Variants in ZNF605 observed in about 807,000 individuals in gnomAD.
ZNF605 encodes the protein zinc finger protein 605.
ZNF605 carries 9 observed loss-of-function variants against 7.9 expected under a neutral mutation model. That is an observed-to-expected ratio of 1.14 (90% CI 0.68 to 1.98). The LOEUF is 1.98. Ranked by LOEUF, ZNF605 falls within the 30% of genes most tolerant of loss-of-function variation. ZNF605 has a pLI of 0.00. For missense variants in ZNF605, 673 were observed against 762.4 expected, an observed-to-expected ratio of 0.88 and a Z score of 1.38; for synonymous variants, 255 against 260.1, an observed-to-expected ratio of 0.98 and a Z score of 0.19.
rs1436816978 is a variant in ZNF605 at position 132,924,865 on chromosome 12, A to G, written c.*508T>C. 6.6e-6 allele frequency: 1 copy of G among 152,662 alleles called. No homozygotes were observed. The highest frequency in any genetic ancestry group is 1.9e-4 in the East Asian group (1 of 5,206). 9.5% of individuals were successfully genotyped at this position (152,662 alleles called of 1,614,324 possible). Reference sequence around the variant, plus strand: ...CACTTACAATTCACTGCTTTTTGTAATAATTGATGTATAAAGAACACCACT... The same window carrying G: ...CACTTACAATTCACTGCTTTTTGTAGTAATTGATGTATAAAGAACACCACT... On this transcript the variant is annotated 3_prime_UTR_variant, in exon 5 of 5. Coordinates refer to ENST00000360187, the MANE Select transcript of ZNF605 (RefSeq NM_183238.4).
In ZNF605 at chr12:132,924,296, T is replaced by C. The variant is rs1952227379; in HGVS notation, c.*1077A>G. ...ACTAAAACAAAACCTTTCTGAGAAT[T>C]CTACCTGATGCTCCATGTGTTTCCA... On this transcript the variant is annotated 3_prime_UTR_variant, in exon 5 of 5. Transcript: ENST00000360187. The C allele has an allele frequency of 6.6e-6, 1 of 152,252 alleles. No homozygotes were observed. Among genetic ancestry groups the C allele is most frequent in the South Asian group, 2.1e-4 (1 of 4,838 alleles). 9.4% of individuals were successfully genotyped at this position (152,252 alleles called of 1,614,324 possible). A position where few individuals can be genotyped will look rare whatever the true frequency, so the allele number is the denominator to read the frequency against.
In ZNF605 at chr12:132,922,412, C is replaced by T. The variant is rs1952213452; in HGVS notation, c.*2961G>A. 6.6e-6 allele frequency: 1 copy of T among 152,130 alleles called. No individual in the cohort carries two copies. Among genetic ancestry groups the T allele is most frequent in the South Asian group, 2.1e-4 (1 of 4,824 alleles). The allele number at this position is 152,130 out of a possible 1,614,324, so 9.4% of individuals were successfully genotyped here. ...TCTCCAGAGCCACTGACATATGCAG[C>T]AGAAAAGCACAAAGAACTTTGTATT... On this transcript the variant is annotated 3_prime_UTR_variant, in exon 5 of 5. Transcript: ENST00000360187.
At position 132,924,582 on chromosome 12, in the gene ZNF605, AG is replaced by A. The variant is rs1396389694; in HGVS notation, c.*790del. On this transcript the variant is annotated 3_prime_UTR_variant, in exon 5 of 5. Transcript: ENST00000360187. ...CCAGTCCTGTCTCTTCAATTCAGCGAGATTTATTGTTTCCCTTCCCTGAACT... is the reference window on the plus strand; with the variant it reads ...CCAGTCCTGTCTCTTCAATTCAGCGAATTTATTGTTTCCCTTCCCTGAACT... 2 of 152,168 alleles carry A rather than the reference AG, an allele frequency of 1.3e-5. No individual in the cohort carries two copies. The highest frequency in any genetic ancestry group is 2.9e-5 in the Non-Finnish European group (2 of 68,066). 9.4% of individuals were successfully genotyped at this position (152,168 alleles called of 1,614,324 possible).
At chr12:132,948,822 C>T (rs1952523955) in intron 1 of ZNF605, among the ~76,000 whole-genome samples, 1 of 152,210 alleles carries the variant, frequency 6.6e-6, no homozygotes, top group African/African-American at 2.4e-5. Flanking sequence ...AGACAAGGGT[C>T]GTTCCCAGGT....
intron 2 of ZNF605, 32 bp from the exon 3 acceptor site, chr12:132,945,829 G>T (rs1952489471): frequency 2.7e-6 from 2 of 750,932 alleles, no homozygotes; most frequent in Non-Finnish European, 4.5e-6. Context: ...TATTTTAGAT[G>T]ATCTAATTAA....
intron 1 of ZNF605, among the ~76,000 whole-genome samples, chr12:132,949,221 T>G (rs1952531927): frequency 2.0e-5 from 3 of 152,186 alleles, no homozygotes; most frequent in Non-Finnish European, 4.4e-5. Flanking sequence ...AAGCCAGACG[T>G]GCAGGCTCCT....
chr12:132,938,063 C>T (rs962881301), intron 3 of ZNF605, among the ~76,000 whole-genome samples: 5 of 152,182 alleles, frequency 3.3e-5, no homozygotes, highest in African/African-American at 4.8e-5. Flanking sequence ...TCATGGCAAG[C>T]CCCGCCTCCT....
At chr12:132,937,396 G>C (rs1952379291) in intron 3 of ZNF605, among the ~76,000 whole-genome samples, 1 of 149,176 alleles carries the variant, frequency 6.7e-6, no homozygotes, top group African/African-American at 2.5e-5. Flanking sequence ...TGTATGGATG[G>C]AAAGTAAATA....
At position 132,928,280 on chromosome 12, in the gene ZNF605, AT is replaced by A. The variant is rs976327353; in HGVS notation, c.137-1119del. 4.0e-3 allele frequency among the ~76,000 whole-genome samples: 616 copies of A among 152,260 alleles called. 4 individuals are homozygous for A. The highest frequency in any genetic ancestry group is 0.013 in the African/African-American group (556 of 41,542). The stretch of plus-strand genomic sequence containing the variant: ...ACTTTACACCTGAAAGATAAGAAAC[AT>A]TTTTTTGTACTATTATTGCATTTAT... On this transcript the variant is annotated intron_variant, in intron 4 of 4. Transcript: ENST00000360187.
At chr12:132,947,869 T>C (rs964291424) in intron 2 of ZNF605, among the ~76,000 whole-genome samples, 1 of 152,000 alleles carries the variant, frequency 6.6e-6, no homozygotes. Context: ...TCCAAACTTT[T>C]GGAGCCCTTA....
At chr12:132,953,721 A>G (rs368814658) in intron 1 of ZNF605, among the ~76,000 whole-genome samples, 11 of 151,956 alleles carry the variant, frequency 7.2e-5, no homozygotes, top group African/African-American at 2.4e-4. Context: ...CACGGTGCCC[A>G]GCTAAGGCCA....
intron 1 of ZNF605, among the ~76,000 whole-genome samples, chr12:132,950,996 G>T (rs11147174): frequency 3.7e-4 from 44 of 118,932 alleles, no homozygotes; most frequent in Middle Eastern, 6.0e-3. Flanking sequence ...TACATCACAC[G>T]CAGACATGTA....
chr12:132,945,831 T>C (rs1952489508), intron 2 of ZNF605, 34 bp from the exon 3 acceptor site: 1 of 744,530 alleles, frequency 1.3e-6, no homozygotes, highest in South Asian at 1.7e-5. Context: ...TTTTAGATGA[T>C]CTAATTAATT....
chr12:132,921,640 C>G lies in ZNF605; in HGVS notation c.*3733G>C, dbSNP rs748373216. ...TACACAAGTTTATTAACACAGACTA[C>G]AACGTCAATGAAGCCTCCTGGCATT... is the stretch of plus-strand genomic sequence containing the variant. On this transcript the variant is annotated 3_prime_UTR_variant, in exon 5 of 5. Coordinates refer to ENST00000360187, the MANE Select transcript of ZNF605 (RefSeq NM_183238.4). 2 of 152,210 alleles carry G rather than the reference C, an allele frequency of 1.3e-5. No homozygotes were observed. The highest frequency in any genetic ancestry group is 2.9e-5 in the Non-Finnish European group (2 of 68,040). 9.4% of individuals were successfully genotyped at this position (152,210 alleles called of 1,614,324 possible). A position where few individuals can be genotyped will look rare whatever the true frequency, so the allele number is the denominator to read the frequency against.
intron 3 of ZNF605, among the ~76,000 whole-genome samples, chr12:132,937,446 C>G (rs1196286513): frequency 6.7e-6 from 1 of 148,930 alleles, no homozygotes; most frequent in East Asian, 2.0e-4. Context: ...AAGGTGAATG[C>G]AAATTAAAAC....
chr12:132,954,809 C>T (rs993997418), intron 1 of ZNF605, among the ~76,000 whole-genome samples: 1 of 152,042 alleles, frequency 6.6e-6, no homozygotes, highest in African/African-American at 2.4e-5. Context: ...CCAATGACGC[C>T]AAGTATGACC....
At chr12:132,949,459 A>G (rs1018426357) in intron 1 of ZNF605, among the ~76,000 whole-genome samples, 3 of 152,242 alleles carry the variant, frequency 2.0e-5, no homozygotes, top group Non-Finnish European at 2.9e-5. Context: ...CCGATTTGCA[A>G]TTGGCCCCCT....
At position 132,923,027 on chromosome 12, in the gene ZNF605, A is replaced by G. The variant is rs2137120663; in HGVS notation, c.*2346T>C. ...CACATGCAGATCCACAATACATACA[A>G]TTTCTGTCATGTGCCTGCTACAAAT... On this transcript the variant is annotated 3_prime_UTR_variant, in exon 5 of 5. Transcript: ENST00000360187. The G allele has an allele frequency of 6.6e-6, 1 of 152,238 alleles. No individual in the cohort carries two copies. Among genetic ancestry groups the G allele is most frequent in the Admixed American group, 6.5e-5 (1 of 15,288 alleles). The allele number at this position is 152,238 out of a possible 1,614,324, so 9.4% of individuals were successfully genotyped here.
In ZNF605 at chr12:132,922,161, A is replaced by C. The variant is rs1952211852; in HGVS notation, c.*3212T>G. Reference sequence around the variant, plus strand: ...CAGGGGTATTTTAATTGTACAGCATAACACTTTAGAGAGCTGGGAAGTATG... The same window carrying C: ...CAGGGGTATTTTAATTGTACAGCATCACACTTTAGAGAGCTGGGAAGTATG... On this transcript the variant is annotated 3_prime_UTR_variant, in exon 5 of 5. Coordinates refer to ENST00000360187, the MANE Select transcript of ZNF605 (RefSeq NM_183238.4). 1 of 152,176 alleles carries C rather than the reference A, an allele frequency of 6.6e-6. No individual in the cohort carries two copies. The allele number at this position is 152,176 out of a possible 1,614,324, so 9.4% of individuals were successfully genotyped here.
Sources: allele counts gnomAD v4.1 joint callset (sites outside exome capture counted in the v4.1 genomes callset), GRCh38; gene constraint gnomAD v4.1.1; transcripts MANE v1.5; gene names NCBI Gene and HGNC (gene_info 2026-07-23, HGNC 2026-07-21).